Variants in LDAH observed in about 807,000 individuals in gnomAD.
LDAH encodes lipid droplet-associated hydrolase.
Under a neutral mutation model 29.6 loss-of-function variants are expected in LDAH, and 26 were observed. That is an observed-to-expected ratio of 0.88 (90% CI 0.64 to 1.22). The LOEUF (loss-of-function observed/expected upper bound fraction) is 1.22, where lower values mean the gene tolerates loss of function less well. LDAH is among the 50% of genes most tolerant of loss of function. The pLI, the probability that LDAH is intolerant of heterozygous loss-of-function variation, is 0.00. For missense variants in LDAH, 344 were observed against 387.3 expected (o/e 0.89, Z 0.94); for synonymous variants, 117 against 133.0 (o/e 0.88, Z 0.83).
chr2:20,710,606 G>GTGTATATATATATATATATATATA (rs1467950593), intron 5 of LDAH, among the ~76,000 whole-genome samples: 4 of 131,870 alleles, frequency 3.0e-5, no homozygotes, highest in African/African-American at 1.1e-4. Flanking sequence ...GTGTGTGTGT[G>GTGTATATATATATATATATATATA]TATATATATA....
At chr2:20,716,162 A>C (rs905318849) in intron 5 of LDAH, among the ~76,000 whole-genome samples, 3 of 152,194 alleles carry the variant, frequency 2.0e-5, no homozygotes, top group Non-Finnish European at 4.4e-5. Flanking sequence ...TGCGGAAGAC[A>C]GTGTGGCAAT....
Position 20,715,916 on chromosome 2 carries a change from G to A in LDAH, c.704-14264C>T, listed in dbSNP as rs1173571249. Among the ~76,000 whole-genome samples the A allele has an allele frequency of 2.0e-5, 3 of 152,108 alleles. 1 individual carries two copies. Among genetic ancestry groups the A allele is most frequent in the Non-Finnish European group, 4.4e-5 (3 of 67,984 alleles). ...ACAACCCCATCAACAAGTGGGTGAA[G>A]GATATGAACAGACACTTCTCAAAAG... On this transcript the variant is annotated intron_variant, in intron 5 of 6. Coordinates refer to ENST00000237822, the MANE Select transcript of LDAH (RefSeq NM_021925.4).
intron 6 of LDAH, 27 bp from the exon 7 acceptor site, chr2:20,687,121 T>A: frequency 1.3e-6 from 2 of 1,584,082 alleles, no homozygotes; most frequent in Non-Finnish European, 1.7e-6. Context: ...AAACCTTTTA[T>A]TAGAAAACAC....
At chr2:20,811,184 A>AT (rs926437010) in intron 1 of LDAH, among the ~76,000 whole-genome samples, 4 of 151,120 alleles carry the variant, frequency 2.6e-5, no homozygotes, top group South Asian at 2.1e-4. Context: ...CGGCCGGCTA[A>AT]TTTTTTTGTA....
chr2:20,711,425 A>G (rs1664756510), intron 5 of LDAH, among the ~76,000 whole-genome samples: 1 of 150,994 alleles, frequency 6.6e-6, no homozygotes, highest in East Asian at 2.0e-4. Context: ...CCGTTCCAAG[A>G]TGGCCGAATA....
chr2:20,822,052 C>T (rs1027793986), intron 1 of LDAH, among the ~76,000 whole-genome samples: 1 of 151,952 alleles, frequency 6.6e-6, no homozygotes, highest in Admixed American at 6.6e-5. Flanking sequence ...GGAGATGCTT[C>T]TAAATCTTCT....
chr2:20,798,570 T>C (rs1343111644), intron 2 of LDAH, among the ~76,000 whole-genome samples: 2 of 148,052 alleles, frequency 1.4e-5, no homozygotes, highest in African/African-American at 4.9e-5. Context: ...ATATAATTAA[T>C]ATAATATAAT....
At chr2:20,731,572 T>C (rs1468363649) in intron 5 of LDAH, among the ~76,000 whole-genome samples, 3 of 152,210 alleles carry the variant, frequency 2.0e-5, no homozygotes, top group Non-Finnish European at 2.9e-5. Context: ...ATGAACACAG[T>C]ATGTCTCTCC....
chr2:20,787,288 CT>C (rs1670624646), intron 3 of LDAH, among the ~76,000 whole-genome samples: 1 of 151,900 alleles, frequency 6.6e-6, no homozygotes, highest in African/African-American at 2.4e-5. Context: ...CAGCTTTTTT[CT>C]TTTCTTTTTT....
chr2:20,705,896 G>A (rs1664270547), intron 5 of LDAH, among the ~76,000 whole-genome samples: 1 of 152,096 alleles, frequency 6.6e-6, no homozygotes, highest in African/African-American at 2.4e-5. Flanking sequence ...TTTTGCCTCT[G>A]AGCACATTCT....
intron 1 of LDAH, among the ~76,000 whole-genome samples, chr2:20,810,574 A>T (rs1672399257): frequency 6.6e-6 from 1 of 152,240 alleles, no homozygotes; most frequent in African/African-American, 2.4e-5. Context: ...CCATCTTTGG[A>T]AAACACAATC....
chr2:20,715,279 C>A (rs1322310952), intron 5 of LDAH, among the ~76,000 whole-genome samples: 1 of 152,146 alleles, frequency 6.6e-6, no homozygotes, highest in Non-Finnish European at 1.5e-5. Context: ...ACGACAAAAA[C>A]CACATGATTA....
chr2:20,822,810 T>A (rs116640457), intron 1 of LDAH, among the ~76,000 whole-genome samples: 5,660 of 152,140 alleles, frequency 0.037, 132 homozygotes, highest in Middle Eastern at 0.051. Flanking sequence ...ATTACCGCGC[T>A]CGGGTGAGCG....
At chr2:20,765,136 A>T (rs1436908242) in intron 4 of LDAH, among the ~76,000 whole-genome samples, 1 of 152,246 alleles carries the variant, frequency 6.6e-6, no homozygotes, top group Non-Finnish European at 1.5e-5. Flanking sequence ...CAAGTTTTCA[A>T]GTATGTAGAC....
At chr2:20,770,955 T>A (rs146855095) in intron 4 of LDAH, among the ~76,000 whole-genome samples, 279 of 152,326 alleles carry the variant, frequency 1.8e-3, no homozygotes, top group Non-Finnish European at 3.0e-3. Context: ...ATTCTATGAA[T>A]CTAAAAACAA....
intron 5 of LDAH, among the ~76,000 whole-genome samples, chr2:20,711,352 T>A (rs1664746131): frequency 6.7e-6 from 1 of 150,126 alleles, no homozygotes; most frequent in Non-Finnish European, 1.5e-5. Flanking sequence ...GCCACTGCAC[T>A]CTAGCCTCGG....
chr2:20,719,735 CA>C (rs1329028349), intron 5 of LDAH, among the ~76,000 whole-genome samples: 2 of 152,026 alleles, frequency 1.3e-5, no homozygotes, highest in Non-Finnish European at 2.9e-5. Context: ...AAAATACTAG[CA>C]AACTGAATTC....
At chr2:20,779,445 T>C (rs1670032907) in intron 3 of LDAH, among the ~76,000 whole-genome samples, 1 of 152,058 alleles carries the variant, frequency 6.6e-6, no homozygotes, top group South Asian at 2.1e-4. Flanking sequence ...AACGTGTACA[T>C]TCTGCTCATG....
intron 2 of LDAH, among the ~76,000 whole-genome samples, chr2:20,794,063 A>G (rs867011415): frequency 0.15 from 22,202 of 152,042 alleles, 3,949 homozygotes; most frequent in African/African-American, 0.43. Context: ...AAGAGGTTTC[A>G]TGGACTCACA....
Sources: gnomAD v4.1 joint callset for allele counts (sites outside exome capture counted in the v4.1 genomes callset) on GRCh38, gnomAD v4.1.1 for gene constraint, MANE v1.5 for transcripts, NCBI Gene and HGNC (gene_info 2026-07-23, HGNC 2026-07-21) for gene names.